Variants in INPP4B observed in about 807,000 individuals in gnomAD.
INPP4B encodes inositol polyphosphate-4-phosphatase type II B, also known as inositol polyphosphate 4-phosphatase type II.
In INPP4B, 55 loss-of-function variants were observed where a neutral mutation model predicts 122.5. The observed-to-expected ratio is 0.45, with a 90% confidence interval of 0.36 to 0.56. INPP4B has a LOEUF of 0.56. Among genes scored for constraint, INPP4B ranks in the 20% least tolerant of loss-of-function variants. The pLI is 0.00. For synonymous variants in INPP4B, 403 were observed against 388.7 expected (o/e 1.04, Z -0.43); for missense variants, 1,000 against 1,097.7 (o/e 0.91, Z 1.26).
At chr4:142,559,000 T>G (rs1353639310) in intron 2 of INPP4B, among the ~76,000 whole-genome samples, 1 of 151,998 alleles carries the variant, frequency 6.6e-6, no homozygotes, top group African/African-American at 2.4e-5. Flanking sequence ...GTTAGAACGC[T>G]GCGAAGCCCA....
chr4:142,314,684 G>A (rs1167747224), intron 8 of INPP4B, 28 bp downstream of exon 8: 1 of 1,594,388 alleles, frequency 6.3e-7, no homozygotes, highest in Non-Finnish European at 8.5e-7. Flanking sequence ...TGATGTGTGT[G>A]CCTTCTGGAA....
At chr4:142,305,059 T>C (rs1470441372) in intron 9 of INPP4B, among the ~76,000 whole-genome samples, 1 of 152,146 alleles carries the variant, frequency 6.6e-6, no homozygotes, top group Non-Finnish European at 1.5e-5. Flanking sequence ...GCTTACTCTC[T>C]ATTATCATAA....
intron 7 of INPP4B, among the ~76,000 whole-genome samples, chr4:142,373,739 A>G (rs1306938082): frequency 2.0e-5 from 3 of 152,030 alleles, no homozygotes; most frequent in Non-Finnish European, 4.4e-5. Context: ...CATATTTAAA[A>G]TATAAATATA....
chr4:142,389,066 A>T (rs1472276391), intron 7 of INPP4B, among the ~76,000 whole-genome samples: 1 of 152,110 alleles, frequency 6.6e-6, no homozygotes, highest in Non-Finnish European at 1.5e-5. Context: ...CCTGGTCAAC[A>T]TGGTGAAACC....
At chr4:142,626,510 T>C (rs1746442274) in intron 2 of INPP4B, among the ~76,000 whole-genome samples, 2 of 151,954 alleles carry the variant, frequency 1.3e-5, no homozygotes, top group Non-Finnish European at 2.9e-5. Flanking sequence ...AGTTCTACAA[T>C]CATAAGTAAC....
intron 1 of INPP4B, among the ~76,000 whole-genome samples, chr4:142,738,969 G>A (rs979240031): frequency 7.2e-5 from 11 of 151,970 alleles, no homozygotes; most frequent in African/African-American, 1.7e-4. Flanking sequence ...CTTGTTTTTT[G>A]TATAAGCTGT....
intron 25 of INPP4B, among the ~76,000 whole-genome samples, chr4:142,044,057 C>T (rs7695089): frequency 0.016 from 2,384 of 149,784 alleles, 82 homozygotes; most frequent in African/African-American, 0.056. Flanking sequence ...AAGTAGAAGA[C>T]AATTAAGATT....
At chr4:142,585,595 T>A (rs78657749) in intron 2 of INPP4B, among the ~76,000 whole-genome samples, 2,139 of 152,214 alleles carry the variant, frequency 0.014, 39 homozygotes, top group African/African-American at 0.041. Context: ...CATATATTCT[T>A]GCTCAACTGT....
At position 142,594,798 on chromosome 4, in the gene INPP4B, AC is replaced by A. The variant is rs200995939; in HGVS notation, c.-191+131040del. Among the ~76,000 whole-genome samples the A allele has an allele frequency of 2.7e-3, 406 of 152,026 alleles. 6 individuals are homozygous for A. The highest frequency in any genetic ancestry group is 0.018 in the East Asian group (94 of 5,158). On this transcript the variant is annotated intron_variant, in intron 2 of 25. Coordinates refer to ENST00000262992, the MANE Select transcript of INPP4B (RefSeq NM_001101669.3). ...GTGAAACCCCATCTCTACCAAAAAT[AC>A]AAAAAATTAGCCGAGTGTGGTGGTG...
chr4:142,276,509 T>C (rs1748476561), intron 9 of INPP4B, among the ~76,000 whole-genome samples: 1 of 151,862 alleles, frequency 6.6e-6, no homozygotes, highest in Non-Finnish European at 1.5e-5. Flanking sequence ...CTCTATACAG[T>C]AAACAGCTAT....
intron 7 of INPP4B, 110 bp from the exon 8 acceptor site, chr4:142,314,872 G>A (rs1766906100): frequency 3.6e-6 from 3 of 837,598 alleles, no homozygotes; most frequent in Admixed American, 2.6e-5. Flanking sequence ...CAGACTCTGT[G>A]GTTAATCATT....
At chr4:142,372,369 G>A (rs1790257125) in intron 7 of INPP4B, among the ~76,000 whole-genome samples, 1 of 152,044 alleles carries the variant, frequency 6.6e-6, no homozygotes, top group Non-Finnish European at 1.5e-5. Flanking sequence ...ATCATTTACT[G>A]TTTATTTCAA....
In INPP4B at chr4:142,187,522, A is replaced by G. The variant is rs191149243; in HGVS notation, c.1181+5565T>C. Among the ~76,000 whole-genome samples, 436 of 151,948 alleles carry G rather than the reference A, an allele frequency of 2.9e-3. 1 individual carries two copies. The highest frequency in any genetic ancestry group is 0.01 in the African/African-American group (421 of 41,458). ...TGTATGTGTGTGTGTCTGTGTGTGT[A>G]TATCTATCTATATATAAATATATAT... On this transcript the variant is annotated intron_variant, in intron 15 of 25. Coordinates refer to ENST00000262992, the MANE Select transcript of INPP4B (RefSeq NM_001101669.3).
chr4:142,372,748 G>A (rs867805331), intron 7 of INPP4B, among the ~76,000 whole-genome samples: 14 of 151,890 alleles, frequency 9.2e-5, no homozygotes, highest in African/African-American at 1.4e-4. Context: ...TAAGATTGAC[G>A]GCATCCTTTC....
At chr4:142,843,097 G>T (rs1561132360) in intron 1 of INPP4B, among the ~76,000 whole-genome samples, 1 of 150,310 alleles carries the variant, frequency 6.7e-6, no homozygotes, top group Non-Finnish European at 1.5e-5. Context: ...GACTGAAAGA[G>T]TAATTAAAAT....
chr4:142,593,103 T>TA (rs1737878053), intron 2 of INPP4B, among the ~76,000 whole-genome samples: 1 of 148,548 alleles, frequency 6.7e-6, no homozygotes, highest in African/African-American at 2.5e-5. Context: ...GATCCTGTTT[T>TA]TAAAAAAAAA....
chr4:142,481,070 G>C (rs1226580929), intron 2 of INPP4B, among the ~76,000 whole-genome samples: 3 of 149,696 alleles, frequency 2.0e-5, no homozygotes, highest in African/African-American at 7.4e-5. Context: ...TGGAGGCAGA[G>C]GTTTCAGTGA....
intron 2 of INPP4B, among the ~76,000 whole-genome samples, chr4:142,646,156 C>A (rs1016118170): frequency 2.6e-5 from 4 of 152,046 alleles, no homozygotes; most frequent in African/African-American, 9.7e-5. Context: ...TTATCAAAAC[C>A]ACTGGATGGT....
In INPP4B at chr4:142,030,947, T is replaced by TTAGA. The variant is rs1201501478; in HGVS notation, c.2643-2037_2643-2034dup. Among the ~76,000 whole-genome samples the TTAGA allele has an allele frequency of 3.3e-5, 5 of 152,226 alleles. No individual in the cohort carries two copies. In the East Asian group the frequency reaches 9.7e-4, roughly 29 times the overall value. On this transcript the variant is annotated intron_variant, in intron 25 of 25. Transcript: ENST00000262992. Reference sequence around the variant, plus strand: ...TTATATCACCTCCTGCTCATCTTCTTTAGATAGGGCCAAATCTATCTCCTA... The same window carrying TTAGA: ...TTATATCACCTCCTGCTCATCTTCTTTAGATAGATAGGGCCAAATCTATCTCCTA...
Sources: gnomAD v4.1 joint callset for allele counts (sites outside exome capture counted in the v4.1 genomes callset) on GRCh38, gnomAD v4.1.1 for gene constraint, MANE v1.5 for transcripts, NCBI Gene and HGNC (gene_info 2026-07-23, HGNC 2026-07-21) for gene names.